Variants in TRPC4 observed in about 807,000 individuals in gnomAD.
TRPC4 encodes transient receptor potential cation channel subfamily C member 4, also known as short transient receptor potential channel 4.
A neutral mutation model predicts 99.4 loss-of-function variants in TRPC4; 49 were observed. That is an observed-to-expected ratio of 0.49 (90% CI 0.39 to 0.63). The LOEUF is 0.63. Ranked by LOEUF, TRPC4 falls within the 20% of genes least tolerant of loss-of-function variation. The probability of loss-of-function intolerance (pLI) is 0.00; values close to 1 mark genes in which losing one functional copy is unlikely to be tolerated. For missense variants in TRPC4, 898 were observed against 1,152.9 expected (o/e 0.78, Z 3.20); for synonymous variants, 454 against 425.9 (o/e 1.07, Z -0.81).
At position 37,635,837 on chromosome 13, in the gene TRPC4, T is replaced by C. The variant is rs1951500244; in HGVS notation, c.*1066A>G. ...TCCTATAGGCAAAACTATATATCTA[T>C]ATCTGCTGATAAAATTAATAATGAT... On this transcript the variant is annotated 3_prime_UTR_variant, in exon 11 of 11. Transcript: ENST00000379705. 6.6e-6 allele frequency among the ~76,000 whole-genome samples: 1 copy of C among 152,128 alleles called. No individual in the cohort carries two copies.
At chr13:37,650,995 C>A (rs1484435804) in intron 8 of TRPC4, among the ~76,000 whole-genome samples, 1 of 152,108 alleles carries the variant, frequency 6.6e-6, no homozygotes, top group African/African-American at 2.4e-5. Context: ...AGTTCCCCAG[C>A]CTTGACTAGC....
At chr13:37,813,386 T>G (rs1410356990) in intron 1 of TRPC4, among the ~76,000 whole-genome samples, 2 of 151,552 alleles carry the variant, frequency 1.3e-5, no homozygotes, top group African/African-American at 2.4e-5. Flanking sequence ...AAATAATATA[T>G]ATTACAGTGG....
intron 1 of TRPC4, among the ~76,000 whole-genome samples, chr13:37,807,177 C>T (rs1004972092): frequency 6.6e-6 from 1 of 151,942 alleles, no homozygotes; most frequent in Non-Finnish European, 1.5e-5. Flanking sequence ...TTTTCTCTCT[C>T]TTCTCTCTCA....
intron 5 of TRPC4, among the ~76,000 whole-genome samples, chr13:37,666,988 A>G (rs1322381349): frequency 3.3e-5 from 5 of 152,152 alleles, no homozygotes; most frequent in African/African-American, 4.8e-5. Context: ...TTCCACTGGG[A>G]TGTCTCACAG....
At chr13:37,824,915 G>A (rs1958153700) in intron 1 of TRPC4, among the ~76,000 whole-genome samples, 1 of 152,074 alleles carries the variant, frequency 6.6e-6, no homozygotes, top group African/African-American at 2.4e-5. Context: ...ACTCTTTTTG[G>A]TTGGTAAGCT....
chr13:37,691,253 C>A (rs534086816), intron 4 of TRPC4, among the ~76,000 whole-genome samples: 1 of 152,130 alleles, frequency 6.6e-6, no homozygotes, highest in African/African-American at 2.4e-5. Context: ...AGGCGCCCGC[C>A]ACCACGCCCG....
chr13:37,701,652 A>G lies in TRPC4; in HGVS notation c.898-9317T>C, dbSNP rs189742447. On this transcript the variant is annotated intron_variant, in intron 3 of 10. Coordinates refer to ENST00000379705, the MANE Select transcript of TRPC4 (RefSeq NM_016179.4). ...AAATCATGAGGCAGGGTGAAGGATG[A>G]CCTGAAAATAAGGAACAAACTACTG... is the stretch of plus-strand genomic sequence containing the variant. Among the ~76,000 whole-genome samples, 52 of 152,172 alleles carry G rather than the reference A, an allele frequency of 3.4e-4. 1 individual carries two copies. Among genetic ancestry groups the G allele is most frequent in the Non-Finnish European group, 5.9e-5 (4 of 68,008 alleles).
At chr13:37,638,892 A>C (rs1022537437) in intron 10 of TRPC4, 148 bp downstream of exon 10, 1 of 712,350 alleles carries the variant, frequency 1.4e-6, no homozygotes, top group Non-Finnish European at 2.3e-6. Context: ...TTCTTTTTAC[A>C]GTTCTGTAGG....
chr13:37,734,495 A>G (rs1484262027), intron 3 of TRPC4, among the ~76,000 whole-genome samples: 6 of 152,032 alleles, frequency 3.9e-5, no homozygotes, highest in Non-Finnish European at 8.8e-5. Context: ...TAGCCTCCTC[A>G]TGTGCTCTCT....
rs370039353 is a variant in TRPC4 at position 37,854,661 on chromosome 13, G to A, written c.-28+14934C>T. 1.1e-4 allele frequency among the ~76,000 whole-genome samples: 17 copies of A among 152,150 alleles called. 1 individual carries two copies. Among genetic ancestry groups the A allele is most frequent in the South Asian group, 2.1e-4 (1 of 4,820 alleles). On this transcript the variant is annotated intron_variant, in intron 1 of 10. Coordinates refer to ENST00000379705, the MANE Select transcript of TRPC4 (RefSeq NM_016179.4). ...ATTTTCCTTTTGTGTGTTTGTTTAT[G>A]CAATCAGTATTGTCATCAATTTAAA...
intron 2 of TRPC4, among the ~76,000 whole-genome samples, chr13:37,775,620 C>G (rs968436427): frequency 6.6e-6 from 1 of 151,616 alleles, no homozygotes; most frequent in Non-Finnish European, 1.5e-5. Context: ...TCTCTAAACT[C>G]TCTCTCTAAA....
chr13:37,850,547 G>A (rs184231930), intron 1 of TRPC4, among the ~76,000 whole-genome samples: 3 of 152,086 alleles, frequency 2.0e-5, no homozygotes, highest in Admixed American at 2.0e-4. Flanking sequence ...CTCTCTATGG[G>A]TACAATTATA....
intron 1 of TRPC4, among the ~76,000 whole-genome samples, chr13:37,828,808 A>C (rs1298023727): frequency 6.6e-6 from 1 of 152,170 alleles, no homozygotes; most frequent in Non-Finnish European, 1.5e-5. Flanking sequence ...CAAAGAAGGG[A>C]AAAACAGACA....
intron 2 of TRPC4, among the ~76,000 whole-genome samples, chr13:37,761,116 A>G (rs1255172753): frequency 6.6e-6 from 1 of 151,940 alleles, no homozygotes; most frequent in Non-Finnish European, 1.5e-5. Flanking sequence ...ACTTCAATTA[A>G]TTGATGTTGT....
intron 1 of TRPC4, among the ~76,000 whole-genome samples, chr13:37,796,837 A>T (rs1289501278): frequency 6.6e-6 from 1 of 151,538 alleles, no homozygotes; most frequent in Non-Finnish European, 1.5e-5. Context: ...TCATGCCTGT[A>T]ATCCCAGTAC....
At chr13:37,793,810 T>G (rs555741047) in intron 1 of TRPC4, among the ~76,000 whole-genome samples, 8 of 152,258 alleles carry the variant, frequency 5.3e-5, no homozygotes, top group African/African-American at 1.9e-4. Flanking sequence ...ATTGGAAATA[T>G]GCGTATCACT....
chr13:37,658,417 T>C (rs1952315951), intron 6 of TRPC4, among the ~76,000 whole-genome samples: 1 of 152,090 alleles, frequency 6.6e-6, no homozygotes, highest in Non-Finnish European at 1.5e-5. Context: ...GAATTGAACG[T>C]GTAAAAAAGT....
At chr13:37,826,579 T>C (rs1369462663) in intron 1 of TRPC4, among the ~76,000 whole-genome samples, 2 of 152,010 alleles carry the variant, frequency 1.3e-5, no homozygotes, top group East Asian at 3.9e-4. Flanking sequence ...AATTCTTCTC[T>C]TTAAGAATGT....
At chr13:37,846,170 T>C (rs1016330033) in intron 1 of TRPC4, among the ~76,000 whole-genome samples, 1 of 152,192 alleles carries the variant, frequency 6.6e-6, no homozygotes, top group South Asian at 2.1e-4. Context: ...TTTATAGGAA[T>C]TGCTAAAAGT....
Sources: allele counts gnomAD v4.1 joint callset (sites outside exome capture counted in the v4.1 genomes callset), GRCh38; gene constraint gnomAD v4.1.1; transcripts MANE v1.5; gene names NCBI Gene and HGNC (gene_info 2026-07-23, HGNC 2026-07-21).